RB1CC1: variants seen among roughly 807,000 people sequenced by gnomAD.
The protein encoded by RB1CC1 is RB1-inducible coiled-coil protein 1.
Under a neutral mutation model 177.5 loss-of-function variants are expected in RB1CC1, and 46 were observed. The observed-to-expected ratio is 0.26, with a 90% CI of 0.20 to 0.33. The LOEUF (loss-of-function observed/expected upper bound fraction) is 0.33, where lower values mean the gene tolerates loss of function less well. Among genes scored for constraint, RB1CC1 ranks in the 10% least tolerant of loss-of-function variants. RB1CC1 has a pLI of 1.00. For synonymous variants in RB1CC1, 666 were observed against 613.6 expected (o/e 1.09, Z -1.26); for missense variants, 1,703 against 1,816.3 (o/e 0.94, Z 1.13).
intron 21 of RB1CC1, among the ~76,000 whole-genome samples, chr8:52,628,919 C>A (rs906143807): frequency 7.9e-5 from 12 of 152,018 alleles, no homozygotes; most frequent in African/African-American, 2.9e-4. Context: ...ATTAAGTTAC[C>A]CTACAAATAC....
At chr8:52,666,160 A>AT (rs1852048517) in intron 8 of RB1CC1, among the ~76,000 whole-genome samples, 1 of 151,766 alleles carries the variant, frequency 6.6e-6, no homozygotes, top group Admixed American at 6.6e-5. Flanking sequence ...TATTTCTTTG[A>AT]TTTTTCTTAT....
In RB1CC1 at chr8:52,674,146, A is replaced by G. The variant is rs17337252; in HGVS notation, c.701T>C (p.Met234Thr). 810,468 of 1,613,284 alleles carry G rather than the reference A, an allele frequency of 0.5. 209,988 individuals are homozygous for G. Among genetic ancestry groups the G allele is most frequent in the East Asian group, 0.82 (36,738 of 44,844 alleles). ...PEHEDSEKAEMKRSTELVLSP... is the reference protein window; with the variant it reads ...PEHEDSEKAETKRSTELVLSP... ...GAGCACCAGTTCAGTGGATCTTTTC[A>G]TCTCAGCTTTTTCTGAGTCTTCATG... Residue 234 changes from methionine to threonine, a missense_variant, in exon 7 of 24, where the codon ATG becomes ACG. Coordinates refer to ENST00000025008, the MANE Select transcript of RB1CC1 (RefSeq NM_014781.5).
intron 1 of RB1CC1, among the ~76,000 whole-genome samples, chr8:52,696,907 G>A (rs1855467401): frequency 1.3e-5 from 2 of 152,268 alleles, no homozygotes; most frequent in South Asian, 2.1e-4. Context: ...CGGGGCTGAG[G>A]TGGGAGGATT....
chr8:52,633,797 G>C (rs1848928829), intron 20 of RB1CC1, among the ~76,000 whole-genome samples: 1 of 152,096 alleles, frequency 6.6e-6, no homozygotes, highest in Non-Finnish European at 1.5e-5. Context: ...GTTTGGTTGG[G>C]TGCAGCAAAA....
At chr8:52,662,434 T>C (rs1283217367) in intron 8 of RB1CC1, among the ~76,000 whole-genome samples, 2 of 152,112 alleles carry the variant, frequency 1.3e-5, no homozygotes, top group African/African-American at 4.8e-5. Flanking sequence ...ATCTCTCAAG[T>C]ATATTTAGTT....
intron 15 of RB1CC1, among the ~76,000 whole-genome samples, chr8:52,652,461 A>C (rs1850687390): frequency 2.6e-4 from 2 of 7,780 alleles, no homozygotes; most frequent in African/African-American, 5.9e-4. Flanking sequence ...CTCTGTCTCA[A>C]AAAAAAAAAA....
chr8:52,680,183 A>T (rs1418147031), intron 5 of RB1CC1, among the ~76,000 whole-genome samples: 2 of 152,210 alleles, frequency 1.3e-5, no homozygotes, highest in Non-Finnish European at 2.9e-5. Context: ...AATGCAGAAA[A>T]ACTTTCTCCA....
At chr8:52,655,916 A>T in intron 15 of RB1CC1, 92 bp downstream of exon 15, 1 of 1,001,662 alleles carries the variant, frequency 1.0e-6, no homozygotes, top group Non-Finnish European at 1.4e-6. Context: ...ACATTTACCC[A>T]AGGTAAATGA....
chr8:52,630,581 T>TTC (rs1563347619), intron 20 of RB1CC1, 53 bp from the exon 21 acceptor site: 1 of 1,507,590 alleles, frequency 6.6e-7, no homozygotes, highest in Non-Finnish European at 8.8e-7. Flanking sequence ...ACCACATGCA[T>TTC]TCTTACTGCA....
At chr8:52,681,953 G>A (rs1853781113) in intron 5 of RB1CC1, among the ~76,000 whole-genome samples, 1 of 152,182 alleles carries the variant, frequency 6.6e-6, no homozygotes. Context: ...CCCACACAGA[G>A]TCCCTACTGG....
intron 1 of RB1CC1, among the ~76,000 whole-genome samples, chr8:52,710,185 T>C (rs1312059348): frequency 1.3e-5 from 2 of 152,212 alleles, no homozygotes; most frequent in African/African-American, 4.8e-5. Flanking sequence ...AATCTGATCC[T>C]ACCCCTTCTC....
At chr8:52,670,320 A>ATATT (rs1178704114) in intron 7 of RB1CC1, among the ~76,000 whole-genome samples, 1 of 152,220 alleles carries the variant, frequency 6.6e-6, no homozygotes, top group Non-Finnish European at 1.5e-5. Flanking sequence ...TAAATTACAT[A>ATATT]TATGTAAACC....
In RB1CC1 at chr8:52,714,414, T is replaced by C. The variant is rs1857330061; in HGVS notation, c.-506A>G. Reference sequence around the variant, plus strand: ...GCAGGGCCGCGGACACCGCCGCGGCTTGGTTTGTTATTGTCGACTCCGTCT... The same window carrying C: ...GCAGGGCCGCGGACACCGCCGCGGCCTGGTTTGTTATTGTCGACTCCGTCT... On this transcript the variant is annotated 5_prime_UTR_variant, in exon 1 of 24. Transcript: ENST00000025008. 1 of 152,362 alleles carries C rather than the reference T, an allele frequency of 6.6e-6. No homozygotes were observed. The highest frequency in any genetic ancestry group is 2.4e-5 in the African/African-American group (1 of 41,430). 9.4% of individuals were successfully genotyped at this position (152,362 alleles called of 1,614,324 possible).
intron 1 of RB1CC1, among the ~76,000 whole-genome samples, chr8:52,702,335 A>T (rs1424797500): frequency 1.3e-5 from 2 of 152,214 alleles, no homozygotes; most frequent in Non-Finnish European, 1.5e-5. Context: ...AATTTTGTGT[A>T]ATCTAAGTCA....
intron 20 of RB1CC1, among the ~76,000 whole-genome samples, chr8:52,632,502 G>A (rs1848836321): frequency 6.6e-6 from 1 of 152,132 alleles, no homozygotes. Flanking sequence ...TCATTTTTAA[G>A]ACCATAATTC....
intron 5 of RB1CC1, among the ~76,000 whole-genome samples, chr8:52,679,950 C>T (rs1040335924): frequency 2.6e-5 from 4 of 151,738 alleles, no homozygotes; most frequent in African/African-American, 9.7e-5. Context: ...AAGTCATCTC[C>T]ATCCCTCTCT....
In RB1CC1 at chr8:52,660,972, T is replaced by C. The variant is rs1851570960; in HGVS notation, c.1581A>G (p.Leu527=). The C allele has an allele frequency of 6.2e-7, 1 of 1,613,366 alleles. No individual in the cohort carries two copies. Among genetic ancestry groups the C allele is most frequent in the South Asian group, 1.1e-5 (1 of 91,002 alleles). The part of the protein sequence containing the change: ...AGALVKDGKR[L]YEAEKSKRES... Reference sequence around the variant, plus strand: ...CCCTTTTTGATTTTTCTGCTTCATATAATCTCTTTCCATCTTTGACTAAAG... The same window carrying C: ...CCCTTTTTGATTTTTCTGCTTCATACAATCTCTTTCCATCTTTGACTAAAG... Residue 527 remains leucine (L), a synonymous_variant, in exon 11 of 24, where the codon TTA becomes TTG. Coordinates refer to ENST00000025008, the MANE Select transcript of RB1CC1 (RefSeq NM_014781.5).
chr8:52,680,631 A>G (rs1853605588), intron 5 of RB1CC1, among the ~76,000 whole-genome samples: 2 of 152,204 alleles, frequency 1.3e-5, no homozygotes, highest in Non-Finnish European at 2.9e-5. Flanking sequence ...ATAGTTGAAC[A>G]CTGGAAACAA....
intron 20 of RB1CC1, among the ~76,000 whole-genome samples, chr8:52,634,579 A>C (rs1396594733): frequency 2.0e-5 from 3 of 152,192 alleles, no homozygotes; most frequent in South Asian, 4.1e-4. Context: ...GTGAGTAAAT[A>C]TATTAATCTT....
Sources: allele counts gnomAD v4.1 joint callset (sites outside exome capture counted in the v4.1 genomes callset), GRCh38; gene constraint gnomAD v4.1.1; transcripts MANE v1.5; gene names NCBI Gene and HGNC (gene_info 2026-07-23, HGNC 2026-07-21).